Variants in PCDHGA6 observed in about 807,000 individuals in gnomAD.
PCDHGA6 encodes the protein protocadherin gamma subfamily A, 6, also known as protocadherin gamma-A6.
In PCDHGA6, 41 loss-of-function variants were observed where a neutral mutation model predicts 60.6. The observed-to-expected ratio is 0.68, with a 90% CI of 0.53 to 0.88. PCDHGA6 has a LOEUF of 0.88. PCDHGA6 is among the 40% of genes least tolerant of loss of function. The pLI is 0.00. For synonymous variants in PCDHGA6, 594 were observed against 524.4 expected (o/e 1.13, Z -1.81); for missense variants, 1,312 against 1,203.0 (o/e 1.09, Z -1.34).
Position 141,489,806 on chromosome 5 carries a change from A to G in PCDHGA6, c.2425-5001A>G. 1 of 1,614,198 alleles carries G rather than the reference A, an allele frequency of 6.2e-7. No homozygotes were observed. Among genetic ancestry groups the G allele is most frequent in the South Asian group, 1.1e-5 (1 of 91,082 alleles). Reference sequence around the variant, plus strand: ...AATGTGAAGACCCTAAAAGATGGGAAGCCATTCCCAGAGCTGGTGCTAGAG... The same window carrying G: ...AATGTGAAGACCCTAAAAGATGGGAGGCCATTCCCAGAGCTGGTGCTAGAG... On this transcript the variant is annotated intron_variant, in intron 1 of 3. Coordinates refer to ENST00000517434, the MANE Select transcript of PCDHGA6 (RefSeq NM_018919.3). The surrounding 1 kb of genome is among the most constrained non-coding windows in gnomAD (Gnocchi z 4.5).
At chr5:141,448,850 C>A (rs1227646790) in intron 1 of PCDHGA6, among the ~76,000 whole-genome samples, 1 of 152,048 alleles carries the variant, frequency 6.6e-6, no homozygotes, top group Non-Finnish European at 1.5e-5. Context: ...GAGGCTGAGG[C>A]AGGAGAATGG....
At chr5:141,499,184 A>G (rs2099789986) in intron 2 of PCDHGA6, among the ~76,000 whole-genome samples, 1 of 151,726 alleles carries the variant, frequency 6.6e-6, no homozygotes, top group African/African-American at 2.4e-5. Context: ...CCAGCAAACC[A>G]TTTCCCCCTT....
At chr5:141,505,576 T>C in intron 3 of PCDHGA6, 95 bp downstream of exon 3, 5 of 1,590,334 alleles carry the variant, frequency 3.1e-6, no homozygotes, top group Admixed American at 1.7e-5. Context: ...ATGTCAAACC[T>C]GTGTAGTTTC....
intron 1 of PCDHGA6, chr5:141,388,676 G>T: frequency 7.4e-6 from 12 of 1,613,944 alleles, no homozygotes; most frequent in Non-Finnish European, 1.0e-5. Context: ...TGCTACAGGT[G>T]ACTGCCACGG....
chr5:141,471,046 C>CTT (rs1170588345), intron 1 of PCDHGA6, among the ~76,000 whole-genome samples: 26 of 113,248 alleles, frequency 2.3e-4, no homozygotes, highest in Non-Finnish European at 3.0e-4. Context: ...CCCAAGCCCT[C>CTT]TTTTTTTTTT....
At chr5:141,470,858 TTTTG>T (rs775688955) in intron 1 of PCDHGA6, among the ~76,000 whole-genome samples, 79 of 151,956 alleles carry the variant, frequency 5.2e-4, no homozygotes, top group Non-Finnish European at 3.5e-4. Context: ...CAGATAAGTT[TTTTG>T]TTTGTTTGTT....
Position 141,430,721 on chromosome 5 carries a change from T to C in PCDHGA6, c.2424+54214T>C, listed in dbSNP as rs2097305223. The C allele has an allele frequency of 3.4e-6, 5 of 1,489,270 alleles. No homozygotes were observed. The South Asian group carries it at 7.3e-5, about 22-fold the overall frequency. 92.3% of individuals were successfully genotyped at this position (1,489,270 alleles called of 1,614,324 possible). A position where few individuals can be genotyped will look rare whatever the true frequency, so the allele number is the denominator to read the frequency against. On this transcript the variant is annotated intron_variant, in intron 1 of 3. Coordinates refer to ENST00000517434, the MANE Select transcript of PCDHGA6 (RefSeq NM_018919.3). ...AGGAACTGCTCCTGACTTCAGTGGT[T>C]AAGGGCAGAATTGAAAATAATTCTG...
Position 141,375,335 on chromosome 5 carries a change from TACA to T in PCDHGA6, c.1256_1258del (p.Asn419del). On this transcript the variant is annotated inframe_deletion, in exon 1 of 4. Coordinates refer to ENST00000517434, the MANE Select transcript of PCDHGA6 (RefSeq NM_018919.3). ...TCTAGACCGGGAAGAGGTATTCTTG[TACA>T]ACATCACTGTGACAGCCACGGACAA... 6.2e-7 allele frequency: 1 copy of T among 1,613,812 alleles called. No individual in the cohort carries two copies. The highest frequency in any genetic ancestry group is 8.5e-7 in the Non-Finnish European group (1 of 1,179,878).
rs1228831823 is a variant in PCDHGA6, at chr5:141,487,778, T to C, written c.2425-7029T>C. ...GGTAGACGCTGTGCTTTGTAACTGT[T>C]TCGTGAATTAACCAGAGTTGTCACA... On this transcript the variant is annotated intron_variant, in intron 1 of 3. Coordinates refer to ENST00000517434, the MANE Select transcript of PCDHGA6 (RefSeq NM_018919.3). The surrounding 1 kb of genome is among the most constrained non-coding windows in gnomAD (Gnocchi z 5.0). The C allele has an allele frequency of 6.5e-7, 1 of 1,531,514 alleles. No individual in the cohort carries two copies. The highest frequency in any genetic ancestry group is 2.0e-5 in the Admixed American group (1 of 49,632). 94.9% of individuals were successfully genotyped at this position (1,531,514 alleles called of 1,614,324 possible).
At chr5:141,394,455 C>T in intron 1 of PCDHGA6, 1 of 1,614,268 alleles carries the variant, frequency 6.2e-7, no homozygotes, top group Non-Finnish European at 8.5e-7. Flanking sequence ...CAACATGTCA[C>T]TGAGCCTGTT....
Position 141,375,772 on chromosome 5 carries a change from G to C in PCDHGA6, c.1689G>C (p.Leu563=), listed in dbSNP as rs769630296. 4 of 1,614,228 alleles carry C rather than the reference G, an allele frequency of 2.5e-6. No homozygotes were observed. The highest frequency in any genetic ancestry group is 3.3e-5 in the Admixed American group (2 of 60,032). The change falls in exon 1 of 4, where the codon CTG becomes CTC. Residue 563 remains leucine (L), a synonymous_variant. Coordinates refer to ENST00000517434, the MANE Select transcript of PCDHGA6 (RefSeq NM_018919.3). The part of the protein sequence containing the change: ...LDQNDNAPEI[L]YPALPTDGST... ...AGAATGACAATGCGCCCGAGATCCT[G>C]TACCCCGCCCTCCCCACAGACGGTT... is the stretch of plus-strand genomic sequence containing the variant.
chr5:141,393,013 T>A (rs754075095), intron 1 of PCDHGA6: 1 of 1,613,694 alleles, frequency 6.2e-7, no homozygotes, highest in African/African-American at 1.3e-5. Context: ...GTCCGTATCG[T>A]CTCCAGAGGT....
intron 1 of PCDHGA6, chr5:141,427,090 A>G: frequency 2.2e-6 from 1 of 458,214 alleles, no homozygotes; most frequent in East Asian, 6.9e-5. Context: ...GACCAGGATG[A>G]GGGTGTCAAT....
At chr5:141,404,323 C>G (rs777252767) in intron 1 of PCDHGA6, 24 of 1,613,756 alleles carry the variant, frequency 1.5e-5, no homozygotes, top group Non-Finnish European at 2.0e-5. Flanking sequence ...AAGCCTCCTA[C>G]TCAGTCTACC....
At chr5:141,419,311 C>G (rs745852942) in intron 1 of PCDHGA6, 1 of 1,613,994 alleles carries the variant, frequency 6.2e-7, no homozygotes, top group Non-Finnish European at 8.5e-7. Flanking sequence ...TCGGGCTCAA[C>G]GGCCGTGTCT....
chr5:141,418,990 G>A (rs1029969170), intron 1 of PCDHGA6: 1 of 1,613,784 alleles, frequency 6.2e-7, no homozygotes, highest in African/African-American at 1.3e-5. Flanking sequence ...AAGACTCAGG[G>A]GAAAATGGGG....
intron 1 of PCDHGA6, chr5:141,388,978 CT>C (rs1389375857): frequency 6.2e-7 from 1 of 1,613,972 alleles, no homozygotes; most frequent in East Asian, 2.2e-5. Flanking sequence ...ACACATATTG[CT>C]TTGCTCAAAG....
Position 141,503,989 on chromosome 5 carries a change from C to T in PCDHGA6, c.2484-1404C>T, listed in dbSNP as rs534696225. Among the ~76,000 whole-genome samples the T allele has an allele frequency of 2.6e-5, 4 of 152,312 alleles. No individual in the cohort carries two copies. The South Asian group carries it at 8.3e-4, about 32-fold the overall frequency. On this transcript the variant is annotated intron_variant, in intron 2 of 3. Transcript: ENST00000517434. ...CATGGTGCCAAACCCTTCTTCTTAC[C>T]TTACAGTCACTTAACTGTCTCTGCT...
chr5:141,410,399 G>A, intron 1 of PCDHGA6: 1 of 1,614,044 alleles, frequency 6.2e-7, no homozygotes. Flanking sequence ...TGGTCTCTGT[G>A]TCAAGTCTGG....
Sources: allele counts gnomAD v4.1 joint callset (sites outside exome capture counted in the v4.1 genomes callset), GRCh38; gene constraint gnomAD v4.1.1; non-coding constraint Gnocchi (gnomAD v3.1); transcripts MANE v1.5; gene names NCBI Gene and HGNC (gene_info 2026-07-23, HGNC 2026-07-21).